Variants in CLEC2A observed in about 807,000 individuals in gnomAD.
CLEC2A encodes the protein C-type lectin domain family 2 member A, also known as keratinocyte-associated C-type lectin.
Under a neutral mutation model 18.6 loss-of-function variants are expected in CLEC2A, and 19 were observed. The observed-to-expected ratio is 1.02, with a 90% CI of 0.71 to 1.50. The LOEUF is 1.50. CLEC2A is among the 40% of genes most tolerant of loss of function. The probability of loss-of-function intolerance (pLI) is 0.00; values close to 1 mark genes in which losing one functional copy is unlikely to be tolerated. For missense variants in CLEC2A, 190 were observed against 207.9 expected, an observed-to-expected ratio of 0.91 and a Z score of 0.53; for synonymous variants, 74 against 64.0, an observed-to-expected ratio of 1.16 and a Z score of -0.75.
At chr12:9,920,880 A>T (rs565103485) in intron 3 of CLEC2A, among the ~76,000 whole-genome samples, 1 of 152,284 alleles carries the variant, frequency 6.6e-6, no homozygotes, top group East Asian at 1.9e-4. Flanking sequence ...TATTTTTAAA[A>T]ATTTTTTCTG....
chr12:9,887,330 GA>G, the CLEC2A span, among the ~76,000 whole-genome samples: 7 of 152,132 alleles, frequency 4.6e-5, no homozygotes, highest in Non-Finnish European at 7.4e-5. Flanking sequence ...AGAACACCAT[GA>G]GTAAAAATAT....
chr12:9,892,895 T>A, the CLEC2A span: 1 of 811,130 alleles, frequency 1.2e-6, no homozygotes, highest in Non-Finnish European at 1.8e-6. Context: ...GAACTCCTTT[T>A]TATTGACCAA....
chr12:9,923,371 C>T (rs1180902108), intron 2 of CLEC2A, among the ~76,000 whole-genome samples: 1 of 152,174 alleles, frequency 6.6e-6, no homozygotes, highest in African/African-American at 2.4e-5. Flanking sequence ...ATCAAAACCA[C>T]AATGAGATAT....
the CLEC2A span, chr12:9,893,315 C>G: frequency 1.2e-6 from 1 of 841,640 alleles, no homozygotes; most frequent in Non-Finnish European, 1.8e-6. Context: ...GAAAAAAATG[C>G]TAATGTATAT....
chr12:9,909,443 C>G (rs1020915574), downstream of CLEC2A, among the ~76,000 whole-genome samples: 4 of 152,158 alleles, frequency 2.6e-5, no homozygotes, highest in Non-Finnish European at 5.9e-5. Context: ...AACAGGATGC[C>G]CAGGATGGGC....
the CLEC2A span, among the ~76,000 whole-genome samples, chr12:9,889,638 GTA>G: frequency 6.9e-6 from 1 of 144,064 alleles, no homozygotes; most frequent in African/African-American, 2.8e-5. Context: ...CTCTATATGT[GTA>G]TATATATGTG....
chr12:9,910,782 T>C (rs1227188832), downstream of CLEC2A, among the ~76,000 whole-genome samples: 1 of 152,142 alleles, frequency 6.6e-6, no homozygotes, highest in Non-Finnish European at 1.5e-5. Flanking sequence ...TTATTCGTCA[T>C]GCTGGGGGAG....
downstream of CLEC2A, among the ~76,000 whole-genome samples, chr12:9,912,368 T>A (rs1862999987): frequency 6.6e-6 from 1 of 152,026 alleles, no homozygotes; most frequent in Non-Finnish European, 1.5e-5. Flanking sequence ...CACTTGCCTG[T>A]CCCTCTTGAA....
the CLEC2A span, chr12:9,885,162 T>G: frequency 3.0e-6 from 1 of 333,614 alleles, no homozygotes; most frequent in Non-Finnish European, 5.3e-6. Context: ...AAAATTATAT[T>G]AAATTTAAAA....
At chr12:9,923,859 A>G (rs986968588) in intron 2 of CLEC2A, among the ~76,000 whole-genome samples, 9 of 152,060 alleles carry the variant, frequency 5.9e-5, no homozygotes, top group Non-Finnish European at 1.0e-4. Context: ...GTTCTCACTC[A>G]TAGGTGGGAA....
At chr12:9,885,145 A>G in the CLEC2A span, 1 of 352,372 alleles carries the variant, frequency 2.8e-6, no homozygotes, top group Non-Finnish European at 5.0e-6. Context: ...GGCATATGTC[A>G]TATTATAAAA....
chr12:9,899,120 TAAA>T (rs34475829), intron 4 of CLEC2A: 94 of 453,046 alleles, frequency 2.1e-4, no homozygotes, highest in Middle Eastern at 1.2e-3. Context: ...GCCCTACTAG[TAAA>T]AAAAAAAAAA....
chr12:9,932,198 A>T (rs967429040), intron 1 of CLEC2A, 77 bp downstream of exon 1: 8 of 1,031,468 alleles, frequency 7.8e-6, no homozygotes, highest in Non-Finnish European at 1.2e-5. Flanking sequence ...GTAAGTAAAG[A>T]GTCCATATTT....
chr12:9,900,856 A>G (rs1862816757), intron 4 of CLEC2A, among the ~76,000 whole-genome samples: 1 of 152,180 alleles, frequency 6.6e-6, no homozygotes, highest in Admixed American at 6.5e-5. Flanking sequence ...GGTAAAATAA[A>G]CACTTTCTCC....
rs1395519138 is a variant in CLEC2A at position 9,913,554 on chromosome 12, G to C, written c.*12C>G. The C allele has an allele frequency of 7.2e-6, 11 of 1,535,282 alleles. No individual in the cohort carries two copies. Among genetic ancestry groups the C allele is most frequent in the Non-Finnish European group, 8.7e-6 (10 of 1,143,224 alleles). ...CTTGAAGTGTGATAATCATTTTCAA[G>C]TTTTTTCTGCTCTATAAAAAATATT... On this transcript the variant is annotated 3_prime_UTR_variant, in exon 5 of 5. Coordinates refer to ENST00000455827, the MANE Select transcript of CLEC2A (RefSeq NM_001130711.2).
intron 3 of CLEC2A, among the ~76,000 whole-genome samples, 154 bp from the exon 4 acceptor site, chr12:9,916,957 T>A (rs968045109): frequency 3.3e-5 from 5 of 152,212 alleles, no homozygotes; most frequent in African/African-American, 1.2e-4. Flanking sequence ...GATGTTGATG[T>A]TTGGGTTAGT....
downstream of CLEC2A, among the ~76,000 whole-genome samples, chr12:9,910,283 G>C (rs148681624): frequency 2.6e-5 from 4 of 152,246 alleles, no homozygotes; most frequent in East Asian, 5.8e-4. Flanking sequence ...TTCATCATCT[G>C]CCTGGCTCTT....
At chr12:9,905,550 T>A (rs1014754523) in intron 4 of CLEC2A, among the ~76,000 whole-genome samples, 1 of 152,130 alleles carries the variant, frequency 6.6e-6, no homozygotes, top group Non-Finnish European at 1.5e-5. Context: ...GCCAATATAT[T>A]TTTGATGGGC....
chr12:9,878,484 G>A, the CLEC2A span, among the ~76,000 whole-genome samples: 2 of 152,164 alleles, frequency 1.3e-5, no homozygotes, highest in African/African-American at 2.4e-5. Context: ...AGGGAAATAC[G>A]CAGGGGGTTA....
Sources: gnomAD v4.1 joint callset for allele counts (sites outside exome capture counted in the v4.1 genomes callset) on GRCh38, gnomAD v4.1.1 for gene constraint, MANE v1.5 for transcripts, NCBI Gene and HGNC (gene_info 2026-07-23, HGNC 2026-07-21) for gene names.